The following HDAC9 variants were observed in gnomAD, a reference collection of about 807,000 sequenced individuals.
The protein encoded by HDAC9 is MEF-2 interacting transcription repressor (MITR) protein.
In HDAC9, 41 loss-of-function variants were observed where a neutral mutation model predicts 139.4. The ratio of observed to expected loss-of-function variants is 0.29; its 90% CI spans 0.23 to 0.38. HDAC9 has a LOEUF of 0.38. Among genes scored for constraint, HDAC9 ranks in the 10% least tolerant of loss-of-function variants. The probability of loss-of-function intolerance (pLI) is 1.00; values close to 1 mark genes in which losing one functional copy is unlikely to be tolerated. For synonymous variants in HDAC9, 517 were observed against 476.2 expected (o/e 1.09, Z -1.12); for missense variants, 1,147 against 1,297.0 (o/e 0.88, Z 1.78).
intron 1 of HDAC9, among the ~76,000 whole-genome samples, chr7:18,337,800 A>G (rs1781693059): frequency 6.6e-6 from 1 of 151,862 alleles, no homozygotes; most frequent in African/African-American, 2.4e-5. Flanking sequence ...AAAACCAGCT[A>G]TCTTTCTGAA....
rs908231173 is a variant in HDAC9 at position 18,117,699 on chromosome 7, T to G, written c.-97+30486T>G. On this transcript the variant is annotated intron_variant, in intron 1 of 12. Coordinates refer to the HDAC9 transcript ENST00000417496. ...AGGCAAGGAAGGACTCCATCCAGAG[T>G]CTGAGAGGGAGCGTGGACCTGCTGA... Among the ~76,000 whole-genome samples the G allele has an allele frequency of 2.0e-4, 31 of 151,884 alleles. 1 individual carries two copies. The highest frequency in any genetic ancestry group is 1.5e-5 in the Non-Finnish European group (1 of 67,970).
At chr7:18,590,744 A>C (rs1242751772) in intron 4 of HDAC9, among the ~76,000 whole-genome samples, 1 of 152,146 alleles carries the variant, frequency 6.6e-6, no homozygotes, top group Non-Finnish European at 1.5e-5. Context: ...GAACCTTAAA[A>C]ATAATGTAAT....
chr7:18,438,778 T>G (rs1014829211), intron 1 of HDAC9, among the ~76,000 whole-genome samples: 53 of 152,232 alleles, frequency 3.5e-4, no homozygotes, highest in African/African-American at 1.2e-3. Flanking sequence ...AATTGTTAAT[T>G]CTATAATCCT....
intron 1 of HDAC9, among the ~76,000 whole-genome samples, chr7:18,399,671 C>G (rs1340163367): frequency 6.6e-6 from 1 of 152,186 alleles, no homozygotes; most frequent in Non-Finnish European, 1.5e-5. Flanking sequence ...GGAAGACATT[C>G]TAATCAAGAG....
Position 18,194,326 on chromosome 7 carries a change from A to T in HDAC9, c.25+31977A>T, listed in dbSNP as rs192912817. 4.3e-4 allele frequency among the ~76,000 whole-genome samples: 65 copies of T among 152,132 alleles called. No homozygotes were observed. The East Asian group carries it at 0.012, about 29-fold the overall frequency. On this transcript the variant is annotated intron_variant, in intron 2 of 12. Transcript: ENST00000417496. The stretch of plus-strand genomic sequence containing the variant: ...CCTTTGGTTATTTTTCTTTTAGACT[A>T]TTCTGTTTTGTTATTGATTTATAAG...
intron 1 of HDAC9, among the ~76,000 whole-genome samples, chr7:18,143,784 C>T (rs933593376): frequency 2.2e-5 from 3 of 133,866 alleles, no homozygotes; most frequent in Admixed American, 7.5e-5. Flanking sequence ...CAGAGCGAGA[C>T]TCCATCTCAA....
intron 2 of HDAC9, among the ~76,000 whole-genome samples, chr7:18,232,191 A>G (rs1173658845): frequency 6.6e-6 from 1 of 152,100 alleles, no homozygotes; most frequent in Non-Finnish European, 1.5e-5. Context: ...CCTTGATTCC[A>G]TCGGGCTTGG....
At chr7:18,663,837 C>T (rs749062436) in intron 11 of HDAC9, among the ~76,000 whole-genome samples, 1 of 152,086 alleles carries the variant, frequency 6.6e-6, no homozygotes, top group Non-Finnish European at 1.5e-5. Context: ...TCCCTTCTTC[C>T]CACAAGCTCC....
Position 18,358,337 on chromosome 7 carries a change from G to C in HDAC9, c.-42+67822G>C, listed in dbSNP as rs183703299. Among the ~76,000 whole-genome samples, 10 of 152,364 alleles carry C rather than the reference G, an allele frequency of 6.6e-5. No individual in the cohort carries two copies. The East Asian group carries it at 1.7e-3, about 26-fold the overall frequency. On this transcript the variant is annotated intron_variant, in intron 1 of 3. Coordinates refer to the HDAC9 transcript ENST00000413509. ...TGATGTTGGGAGCACAAACACTTAT[G>C]TAGGAGGTAGAAGAAACAGTTTTTT...
intron 6 of HDAC9, among the ~76,000 whole-genome samples, chr7:18,610,934 C>T (rs1347722326): frequency 6.6e-6 from 1 of 152,094 alleles, no homozygotes; most frequent in Non-Finnish European, 1.5e-5. Flanking sequence ...TTGGGGGCCT[C>T]AACAGTGCAA....
At chr7:18,192,545 G>A (rs2731565) in intron 2 of HDAC9, among the ~76,000 whole-genome samples, 49,423 of 151,930 alleles carry the variant, frequency 0.33, 8,168 homozygotes, top group Admixed American at 0.4. Context: ...GAAGGTAAAG[G>A]TGTTGTAGGG....
At chr7:18,186,196 C>G (rs1252124373) in intron 2 of HDAC9, among the ~76,000 whole-genome samples, 2 of 152,216 alleles carry the variant, frequency 1.3e-5, no homozygotes. Flanking sequence ...GGCAGTCCAA[C>G]ACGGTAGCCA....
intron 24 of HDAC9, among the ~76,000 whole-genome samples, chr7:18,957,002 C>T (rs934024034): frequency 1.3e-5 from 2 of 152,072 alleles, no homozygotes; most frequent in Non-Finnish European, 2.9e-5. Context: ...GTAGCCAGTC[C>T]TGATGAAAGT....
At chr7:18,704,431 T>C (rs779304053) in intron 12 of HDAC9, among the ~76,000 whole-genome samples, 3 of 152,228 alleles carry the variant, frequency 2.0e-5, no homozygotes, top group Admixed American at 2.0e-4. Context: ...AATCCAATTT[T>C]CCTCCCATAT....
At chr7:18,576,088 T>C (rs1422083389) in intron 2 of HDAC9, among the ~76,000 whole-genome samples, 1 of 152,172 alleles carries the variant, frequency 6.6e-6, no homozygotes, top group East Asian at 1.9e-4. Context: ...TGTGTTGGTA[T>C]TGGGGGAAAG....
At chr7:18,392,309 TCTCTCTCACACACA>T (rs1786579559) in intron 1 of HDAC9, among the ~76,000 whole-genome samples, 2 of 131,244 alleles carry the variant, frequency 1.5e-5, no homozygotes, top group African/African-American at 6.5e-5. Flanking sequence ...TCTCTCTCTC[TCTCTCTCACACACA>T]CACACACACA....
chr7:18,317,173 G>T (rs1338121096), intron 1 of HDAC9, among the ~76,000 whole-genome samples: 2 of 149,626 alleles, frequency 1.3e-5, no homozygotes, highest in African/African-American at 4.9e-5. Flanking sequence ...CTCCAGCCTG[G>T]GTGACAGAGT....
chr7:18,457,307 C>A (rs1793431703), intron 1 of HDAC9, among the ~76,000 whole-genome samples: 1 of 152,112 alleles, frequency 6.6e-6, no homozygotes, highest in South Asian at 2.1e-4. Context: ...CTGCCTTACT[C>A]TTTTAATTTA....
intron 1 of HDAC9, among the ~76,000 whole-genome samples, chr7:18,444,419 TCA>T (rs1165129121): frequency 1.1e-4 from 16 of 149,882 alleles, no homozygotes; most frequent in Non-Finnish European, 1.5e-5. Context: ...AATAGACATC[TCA>T]GTTTGTATTT....
Sources: gnomAD v4.1 joint callset for allele counts (sites outside exome capture counted in the v4.1 genomes callset) on GRCh38, gnomAD v4.1.1 for gene constraint, MANE v1.5 for transcripts, NCBI Gene and HGNC (gene_info 2026-07-23, HGNC 2026-07-21) for gene names.